Variants in GNA12 observed in about 807,000 individuals in gnomAD.
GNA12 encodes guanine nucleotide-binding protein subunit alpha-12.
In GNA12, 9 loss-of-function variants were observed where a neutral mutation model predicts 26.0. The observed-to-expected ratio is 0.35, with a 90% CI of 0.21 to 0.60. The LOEUF is 0.60. Ranked by LOEUF, GNA12 falls within the 20% of genes least tolerant of loss-of-function variation. The pLI, the probability that GNA12 is intolerant of heterozygous loss-of-function variation, is 0.78. For synonymous variants in GNA12, 264 were observed against 219.6 expected (o/e 1.20, Z -1.79); for missense variants, 405 against 525.8 (o/e 0.77, Z 2.25).
intron 2 of GNA12, among the ~76,000 whole-genome samples, chr7:2,766,715 A>G (rs529308202): frequency 3.0e-4 from 45 of 152,254 alleles, no homozygotes; most frequent in Admixed American, 7.8e-4. Context: ...TTGTGAATAA[A>G]GTTGCTATAA....
intron 1 of GNA12, chr7:2,835,694 A>C: frequency 9.4e-7 from 1 of 1,064,902 alleles, no homozygotes; most frequent in Admixed American, 1.8e-5. Context: ...AAGATAAACA[A>C]ATTTGCATGG....
At chr7:2,784,861 C>T (rs1024069384) in intron 2 of GNA12, among the ~76,000 whole-genome samples, 41 of 152,152 alleles carry the variant, frequency 2.7e-4, no homozygotes, top group Non-Finnish European at 3.5e-4. Context: ...ATGTTAAAAA[C>T]GTTTATGTAT....
At chr7:2,750,960 C>T (rs1791005960) in intron 2 of GNA12, among the ~76,000 whole-genome samples, 1 of 152,204 alleles carries the variant, frequency 6.6e-6, no homozygotes, top group African/African-American at 2.4e-5. Flanking sequence ...GGTACCCAGA[C>T]ATGCCAAAAT....
At position 2,729,726 on chromosome 7, in the gene GNA12, G is replaced by A. The variant is rs1789793757; in HGVS notation, c.*1455C>T. The A allele has an allele frequency of 6.6e-6, 1 of 152,414 alleles. No homozygotes were observed. The highest frequency in any genetic ancestry group is 1.5e-5 in the Non-Finnish European group (1 of 68,094). The allele number at this position is 152,414 out of a possible 1,614,324, so 9.4% of individuals were successfully genotyped here. A position where few individuals can be genotyped will look rare whatever the true frequency, so the allele number is the denominator to read the frequency against. ...GACTGAGCCACAGCAACATTCGGGTGCCAATTAAGAGGACGCTTTTCATTT... is the reference window on the plus strand; with the variant it reads ...GACTGAGCCACAGCAACATTCGGGTACCAATTAAGAGGACGCTTTTCATTT... On this transcript the variant is annotated 3_prime_UTR_variant, in exon 4 of 4. Coordinates refer to ENST00000275364, the MANE Select transcript of GNA12 (RefSeq NM_007353.3).
intron 2 of GNA12, among the ~76,000 whole-genome samples, chr7:2,745,216 G>C (rs992727623): frequency 3.3e-5 from 5 of 152,180 alleles, no homozygotes; most frequent in Non-Finnish European, 7.3e-5. Context: ...ACACATAATT[G>C]TCAGATTCAC....
chr7:2,784,384 C>T (rs1025288381), intron 2 of GNA12, among the ~76,000 whole-genome samples: 22 of 152,214 alleles, frequency 1.4e-4, no homozygotes, highest in African/African-American at 4.6e-4. Context: ...TACCAAAGGG[C>T]TGGGATTACA....
rs911014587 is a variant in GNA12 at position 2,728,549 on chromosome 7, G to A, written c.*2632C>T. 2.0e-5 allele frequency: 3 copies of A among 152,416 alleles called. No individual in the cohort carries two copies. Among genetic ancestry groups the A allele is most frequent in the Non-Finnish European group, 4.4e-5 (3 of 68,022 alleles). The allele number at this position is 152,416 out of a possible 1,614,324, so 9.4% of individuals were successfully genotyped here. On this transcript the variant is annotated 3_prime_UTR_variant, in exon 4 of 4. Coordinates refer to ENST00000275364, the MANE Select transcript of GNA12 (RefSeq NM_007353.3). ...TTATGTGTACACAGTATAGCTATGA[G>A]GAACAGATCTTATTTTGAGGAACTT...
At chr7:2,783,649 C>CATTTATTT (rs60404277) in intron 2 of GNA12, among the ~76,000 whole-genome samples, 11,253 of 138,506 alleles carry the variant, frequency 0.081, 578 homozygotes, top group East Asian at 0.16. Flanking sequence ...GGCTGTAACA[C>CATTTATTT]ATTTATTTAT....
chr7:2,825,008 A>G (rs994585299), intron 1 of GNA12, among the ~76,000 whole-genome samples: 1 of 152,194 alleles, frequency 6.6e-6, no homozygotes, highest in Non-Finnish European at 1.5e-5. Context: ...CTGCGGGTGG[A>G]CAGACACCTG....
At chr7:2,763,509 G>A (rs1791674171) in intron 2 of GNA12, among the ~76,000 whole-genome samples, 4 of 152,240 alleles carry the variant, frequency 2.6e-5, no homozygotes, top group Admixed American at 2.6e-4. Context: ...TATGGCTGAG[G>A]ATGAAGCTCC....
intron 1 of GNA12, among the ~76,000 whole-genome samples, chr7:2,798,487 T>C (rs1792732303): frequency 6.6e-6 from 1 of 152,230 alleles, no homozygotes; most frequent in Admixed American, 6.5e-5. Flanking sequence ...GTAGGACTTA[T>C]GTGCTGAAAA....
chr7:2,765,313 A>C (rs1229734181), intron 2 of GNA12, among the ~76,000 whole-genome samples: 3 of 151,764 alleles, frequency 2.0e-5, no homozygotes, highest in Non-Finnish European at 4.4e-5. Flanking sequence ...GCGCCCGCCT[A>C]ATTTTTTTGT....
chr7:2,794,793 G>T, intron 2 of GNA12, 135 bp downstream of exon 2: 3 of 683,964 alleles, frequency 4.4e-6, no homozygotes, highest in Non-Finnish European at 7.5e-6. Flanking sequence ...TTTGGTTGTT[G>T]ATCATTACAA....
At chr7:2,759,428 A>G (rs1220046251) in intron 2 of GNA12, among the ~76,000 whole-genome samples, 2 of 152,202 alleles carry the variant, frequency 1.3e-5, no homozygotes, top group Non-Finnish European at 2.9e-5. Context: ...TGTTCTGTCC[A>G]TGTGACAGAT....
intron 1 of GNA12, among the ~76,000 whole-genome samples, chr7:2,812,200 T>C (rs758263072): frequency 8.5e-5 from 13 of 152,262 alleles, no homozygotes; most frequent in Non-Finnish European, 1.6e-4. Flanking sequence ...AAAGTCAGAA[T>C]TCCTCCCTTA....
Position 2,838,451 on chromosome 7 carries a change from G to A in GNA12, c.309+5402C>T, listed in dbSNP as rs1383208504. Among the ~76,000 whole-genome samples the A allele has an allele frequency of 3.3e-5, 5 of 152,076 alleles. No individual in the cohort carries two copies. The East Asian group carries it at 9.6e-4, about 29-fold the overall frequency. ...GATTAAAAATTAGCTGGGTGTGGTG[G>A]TGCACATCTGTAGTCCCGGCTACTA... On this transcript the variant is annotated intron_variant, in intron 1 of 3. Coordinates refer to ENST00000275364, the MANE Select transcript of GNA12 (RefSeq NM_007353.3).
At chr7:2,799,984 A>T (rs1398353981) in intron 1 of GNA12, among the ~76,000 whole-genome samples, 2 of 152,222 alleles carry the variant, frequency 1.3e-5, no homozygotes, top group African/African-American at 2.4e-5. Context: ...TATAACTACT[A>T]AAAATGCAAC....
chr7:2,832,796 C>T (rs1778714186), intron 1 of GNA12, among the ~76,000 whole-genome samples: 1 of 152,162 alleles, frequency 6.6e-6, no homozygotes, highest in South Asian at 2.1e-4. Context: ...GTTTTCTTCC[C>T]CTTGCCGTCC....
chr7:2,788,499 A>G (rs1305802892), intron 2 of GNA12, among the ~76,000 whole-genome samples: 3 of 152,208 alleles, frequency 2.0e-5, no homozygotes, highest in Non-Finnish European at 4.4e-5. Context: ...TTATATTCAC[A>G]ACTTAGTTAC....
Sources: gnomAD v4.1 joint callset for allele counts (sites outside exome capture counted in the v4.1 genomes callset) on GRCh38, gnomAD v4.1.1 for gene constraint, MANE v1.5 for transcripts, NCBI Gene and HGNC (gene_info 2026-07-23, HGNC 2026-07-21) for gene names.